The following PDE6A variants were observed in gnomAD, a reference collection of about 807,000 sequenced individuals.
PDE6A encodes phosphodiesterase 6A.
PDE6A carries 84 observed loss-of-function variants against 106.3 expected under a neutral mutation model. That is an observed-to-expected ratio of 0.79 (90% confidence interval 0.66 to 0.95). PDE6A has a LOEUF of 0.95. Among genes scored for constraint, PDE6A ranks in the 40% least tolerant of loss-of-function variants. The pLI is 0.00. For missense variants in PDE6A, 1,052 were observed against 1,084.9 expected (o/e 0.97, Z 0.43); for synonymous variants, 394 against 386.6 (o/e 1.02, Z -0.23).
Position 149,928,742 on chromosome 5 carries a change from T to C in PDE6A, c.858+2286A>G, listed in dbSNP as rs1213435624. Among the ~76,000 whole-genome samples, 3 of 152,188 alleles carry C rather than the reference T, an allele frequency of 2.0e-5. No homozygotes were observed. The South Asian group carries it at 6.2e-4, about 32-fold the overall frequency. ...GGTGTGTGACTGTATTTGCAATGCA[T>C]GTATTTGAAAGTGGACTTGTGCCCA... On this transcript the variant is annotated intron_variant, in intron 4 of 21. Transcript: ENST00000255266.
chr5:149,906,872 G>C (rs994714188), intron 7 of PDE6A, among the ~76,000 whole-genome samples: 1 of 152,082 alleles, frequency 6.6e-6, no homozygotes, highest in Admixed American at 6.6e-5. Context: ...CCCAGGTTGA[G>C]GTGATTCTCC....
intron 1 of PDE6A, among the ~76,000 whole-genome samples, chr5:149,942,768 T>C (rs534922910): frequency 6.6e-6 from 1 of 152,064 alleles, no homozygotes; most frequent in South Asian, 2.1e-4. Flanking sequence ...GTCATAAGTT[T>C]AAGAAAAGGT....
chr5:149,931,999 G>A, intron 3 of PDE6A: 1 of 1,478,278 alleles, frequency 6.8e-7, no homozygotes. Flanking sequence ...TTTGAGAGCT[G>A]ATGTTACCTC....
chr5:149,899,517 G>T lies in PDE6A; in HGVS notation c.1121C>A (p.Pro374His), dbSNP rs1054536815. 6 of 1,614,076 alleles carry T rather than the reference G, an allele frequency of 3.7e-6. No individual in the cohort carries two copies. The highest frequency in any genetic ancestry group is 5.1e-6 in the Non-Finnish European group (6 of 1,179,958). ...AATCATCCATCCAGACTCATCCAGA[G>T]GTTCTTTCTACAAGAGAAGGGCTAG... ...AEDFFAFQKE[P>H]LDESGWMIKN... The change falls in exon 9 of 22, where the codon CCT becomes CAT. Residue 374 changes from proline to histidine, a missense_variant. Around this residue, in one of 3 missense-constraint regions of PDE6A, gnomAD observed 913 missense variants for 915.2 expected, o/e 1.00. Coordinates refer to ENST00000255266, the MANE Select transcript of PDE6A (RefSeq NM_000440.3).
At chr5:149,932,196 A>G (rs1305326952) in intron 3 of PDE6A, 7 of 1,283,196 alleles carry the variant, frequency 5.5e-6, no homozygotes, top group African/African-American at 1.5e-5. Context: ...TGTTCCTTCA[A>G]TTGTTGTATC....
rs117073269 is a variant in PDE6A, at chr5:149,893,329, T to C, written c.1728+1854A>G. Among the ~76,000 whole-genome samples the C allele has an allele frequency of 3.0e-3, 453 of 152,320 alleles. 8 individuals are homozygous for C. Among genetic ancestry groups the C allele is most frequent in the East Asian group, 9.6e-3 (50 of 5,188 alleles). ...CCAGATTCCTGGAAGTATACACCTG[T>C]TGGACTCCTTCGGGTAAAGCTAACC... On this transcript the variant is annotated intron_variant, in intron 13 of 21. Transcript: ENST00000255266.
At chr5:149,938,428 A>T (rs964272545) in intron 1 of PDE6A, among the ~76,000 whole-genome samples, 2 of 152,188 alleles carry the variant, frequency 1.3e-5, no homozygotes, top group African/African-American at 4.8e-5. Context: ...AGCCAGAGGA[A>T]GTGCTGGTGA....
chr5:149,888,672 T>C (rs1752413859), intron 13 of PDE6A, among the ~76,000 whole-genome samples: 1 of 146,158 alleles, frequency 6.8e-6, no homozygotes, highest in African/African-American at 2.6e-5. Context: ...AACTGGTTAC[T>C]CCAAAATGAG....
At chr5:149,901,105 A>G (rs1310842479) in intron 8 of PDE6A, among the ~76,000 whole-genome samples, 1 of 152,050 alleles carries the variant, frequency 6.6e-6, no homozygotes, top group African/African-American at 2.4e-5. Context: ...TAGTAGAGAC[A>G]GAGTTTCACC....
intron 8 of PDE6A, among the ~76,000 whole-genome samples, chr5:149,902,148 C>G (rs1233708960): frequency 6.6e-6 from 1 of 152,138 alleles, no homozygotes; most frequent in East Asian, 1.9e-4. Flanking sequence ...GGTCTCTGTC[C>G]ACCTCTCTAG....
intron 3 of PDE6A, chr5:149,931,981 A>T (rs1025718825): frequency 7.4e-7 from 1 of 1,347,484 alleles, no homozygotes; most frequent in East Asian, 2.3e-5. Flanking sequence ...AGCTGTTGAG[A>T]TAATATTTTT....
chr5:149,919,921 G>A (rs74545597), intron 5 of PDE6A, among the ~76,000 whole-genome samples: 2,317 of 151,692 alleles, frequency 0.015, 69 homozygotes, highest in African/African-American at 0.052. Context: ...TGAGGCTTTC[G>A]ACCTAAGATT....
intron 6 of PDE6A, 93 bp downstream of exon 6, chr5:149,914,850 G>A: frequency 7.1e-6 from 6 of 844,214 alleles, no homozygotes; most frequent in Non-Finnish European, 1.2e-5. Context: ...TTTATGGAAT[G>A]AAGTGTTGCC....
chr5:149,932,718 C>A, intron 3 of PDE6A: 4 of 1,492,480 alleles, frequency 2.7e-6, no homozygotes, highest in Non-Finnish European at 3.7e-6. Context: ...AAATGTGTAC[C>A]AACTACTGCT....
At chr5:149,868,643 T>G (rs543537578) in intron 17 of PDE6A, among the ~76,000 whole-genome samples, 1 of 152,078 alleles carries the variant, frequency 6.6e-6, no homozygotes, top group African/African-American at 2.4e-5. Context: ...GTTTCTCAAC[T>G]TTTTTTCTCA....
intron 13 of PDE6A, among the ~76,000 whole-genome samples, chr5:149,888,305 G>A (rs747365971): frequency 6.6e-6 from 1 of 152,030 alleles, no homozygotes; most frequent in Non-Finnish European, 1.5e-5. Flanking sequence ...ATTATTCACA[G>A]ACGATTGATC....
intron 4 of PDE6A, among the ~76,000 whole-genome samples, chr5:149,927,034 A>T (rs1448265737): frequency 6.6e-6 from 1 of 151,978 alleles, no homozygotes; most frequent in Non-Finnish European, 1.5e-5. Context: ...AAGTGGGAGA[A>T]TACAGTCATG....
Position 149,868,185 on chromosome 5 carries a change from G to A in PDE6A, c.2136-27C>T, listed in dbSNP as rs776762589. ...TGGGCACACAGGACACCCTCTATCA[G>A]TCCAGGGCCATTTAAGACTTCATGT... is the stretch of plus-strand genomic sequence containing the variant. On this transcript the variant is annotated intron_variant, in intron 17 of 21. Transcript: ENST00000255266. 16 of 1,608,022 alleles carry A rather than the reference G, an allele frequency of 1.0e-5. 1 individual carries two copies. In the South Asian group the frequency reaches 1.8e-4, roughly 18 times the overall value.
At chr5:149,932,011 A>C in intron 3 of PDE6A, 2 of 1,498,214 alleles carry the variant, frequency 1.3e-6, no homozygotes, top group East Asian at 2.3e-5. Flanking sequence ...TGTTACCTCT[A>C]GCGGCAAAAC....
Sources: allele counts gnomAD v4.1 joint callset (sites outside exome capture counted in the v4.1 genomes callset), GRCh38; gene constraint gnomAD v4.1.1; regional missense constraint gnomAD v4.1.1; transcripts MANE v1.5; gene names NCBI Gene and HGNC (gene_info 2026-07-23, HGNC 2026-07-21).